Variants in LDAH observed in about 807,000 individuals in gnomAD.
LDAH encodes lipid droplet-associated hydrolase.
A neutral mutation model predicts 29.6 loss-of-function variants in LDAH; 26 were observed. The ratio of observed to expected loss-of-function variants is 0.88; its 90% confidence interval spans 0.64 to 1.22. The LOEUF (loss-of-function observed/expected upper bound fraction) is 1.22, where lower values mean the gene tolerates loss of function less well. Among genes scored for constraint, LDAH ranks in the 50% most tolerant of loss-of-function variants. The pLI is 0.00. For synonymous variants in LDAH, 117 were observed against 133.0 expected (o/e 0.88, Z 0.83); for missense variants, 344 against 387.3 (o/e 0.89, Z 0.94).
intron 1 of LDAH, among the ~76,000 whole-genome samples, chr2:20,816,217 T>C (rs139319288): frequency 4.6e-5 from 7 of 152,024 alleles, no homozygotes; most frequent in Non-Finnish European, 8.8e-5. Flanking sequence ...GGAACAGATA[T>C]GAAAAACAGG....
chr2:20,736,271 A>G (rs1419418064), intron 5 of LDAH, among the ~76,000 whole-genome samples: 1 of 152,030 alleles, frequency 6.6e-6, no homozygotes, highest in African/African-American at 2.4e-5. Flanking sequence ...GTGAAACCCC[A>G]TCTCTACTAA....
chr2:20,775,559 T>G (rs1203542254), intron 3 of LDAH, among the ~76,000 whole-genome samples: 3 of 152,318 alleles, frequency 2.0e-5, no homozygotes, highest in African/African-American at 7.2e-5. Flanking sequence ...AGAAAGTCCA[T>G]GACATGACTT....
intron 4 of LDAH, among the ~76,000 whole-genome samples, chr2:20,760,974 C>T (rs1363095506): frequency 6.6e-6 from 1 of 152,204 alleles, no homozygotes; most frequent in Non-Finnish European, 1.5e-5. Context: ...CTTTCACTTA[C>T]AGCAGTATTT....
intron 5 of LDAH, among the ~76,000 whole-genome samples, chr2:20,717,722 A>G (rs561089160): frequency 1.2e-4 from 19 of 152,172 alleles, no homozygotes; most frequent in Non-Finnish European, 2.4e-4. Flanking sequence ...TAATGTGTAC[A>G]TGTTTTGTAT....
intron 2 of LDAH, among the ~76,000 whole-genome samples, chr2:20,800,579 A>G (rs1244133190): frequency 6.6e-6 from 1 of 152,154 alleles, no homozygotes; most frequent in East Asian, 1.9e-4. Context: ...CAAGTGACTC[A>G]GCTGCCAAAT....
At chr2:20,754,267 T>C (rs957950320) in intron 4 of LDAH, among the ~76,000 whole-genome samples, 12 of 151,760 alleles carry the variant, frequency 7.9e-5, no homozygotes, top group Non-Finnish European at 1.5e-5. Flanking sequence ...GCAGGCAGAT[T>C]GTCTGAGCTC....
intron 6 of LDAH, among the ~76,000 whole-genome samples, chr2:20,700,756 C>T (rs1368409173): frequency 6.6e-6 from 1 of 152,120 alleles, no homozygotes; most frequent in Non-Finnish European, 1.5e-5. Context: ...ATATGTTTTA[C>T]TTAATCCACT....
intron 6 of LDAH, among the ~76,000 whole-genome samples, chr2:20,699,777 T>C (rs1435704375): frequency 6.6e-6 from 1 of 152,216 alleles, no homozygotes; most frequent in African/African-American, 2.4e-5. Flanking sequence ...TATTTCCCCA[T>C]AAAATTTCAG....
chr2:20,792,868 A>G (rs1035616708), intron 2 of LDAH, among the ~76,000 whole-genome samples: 4 of 152,184 alleles, frequency 2.6e-5, no homozygotes. Flanking sequence ...ATGTATACCT[A>G]TGTAACAAAC....
At chr2:20,694,935 C>T (rs1441115271) in intron 6 of LDAH, among the ~76,000 whole-genome samples, 7 of 152,388 alleles carry the variant, frequency 4.6e-5, no homozygotes, top group African/African-American at 1.7e-4. Context: ...GAGATGCTAA[C>T]CCAGGGCCTC....
intron 4 of LDAH, among the ~76,000 whole-genome samples, chr2:20,771,421 A>G (rs1669406235): frequency 6.6e-6 from 1 of 152,260 alleles, no homozygotes; most frequent in Admixed American, 6.5e-5. Context: ...GTTATAAAAC[A>G]TAATAGCTAA....
At chr2:20,788,232 AG>A (rs1360424676) in intron 3 of LDAH, among the ~76,000 whole-genome samples, 1 of 152,232 alleles carries the variant, frequency 6.6e-6, no homozygotes, top group African/African-American at 2.4e-5. Context: ...GCAAAATACA[AG>A]GTTAACAATT....
At chr2:20,694,786 G>A (rs1360052696) in intron 6 of LDAH, among the ~76,000 whole-genome samples, 1 of 152,214 alleles carries the variant, frequency 6.6e-6, no homozygotes, top group Non-Finnish European at 1.5e-5. Flanking sequence ...ACAACCATCT[G>A]TGTATACAGC....
Position 20,684,738 on chromosome 2 carries a change from C to A in LDAH, c.*2165G>T. On this transcript the variant is annotated 3_prime_UTR_variant, in exon 7 of 7. Coordinates refer to ENST00000237822, the MANE Select transcript of LDAH (RefSeq NM_021925.4). Reference sequence around the variant, plus strand: ...AACAAACACGGGTGTGGTCAAAGCTCAATCGCTGAGCACTCGGTAACTCTG... The same window carrying A: ...AACAAACACGGGTGTGGTCAAAGCTAAATCGCTGAGCACTCGGTAACTCTG... 1.2e-6 allele frequency: 1 copy of A among 861,368 alleles called. No individual in the cohort carries two copies. The highest frequency in any genetic ancestry group is 1.7e-6 in the Non-Finnish European group (1 of 576,844). The allele number at this position is 861,368 out of a possible 1,614,324, so 53.4% of individuals were successfully genotyped here.
chr2:20,720,897 T>C (rs1397848589), intron 5 of LDAH, among the ~76,000 whole-genome samples: 1 of 152,114 alleles, frequency 6.6e-6, no homozygotes, highest in Non-Finnish European at 1.5e-5. Flanking sequence ...GGATAGTCTC[T>C]CTAATAAACA....
At chr2:20,765,305 T>C (rs1668955479) in intron 4 of LDAH, among the ~76,000 whole-genome samples, 1 of 152,206 alleles carries the variant, frequency 6.6e-6, no homozygotes. Flanking sequence ...CCTTAAATTA[T>C]TATGTGTTCT....
chr2:20,820,959 A>G (rs1465968449), intron 1 of LDAH, among the ~76,000 whole-genome samples: 2 of 149,978 alleles, frequency 1.3e-5, no homozygotes, highest in Non-Finnish European at 3.0e-5. Flanking sequence ...GGTGAAGGAT[A>G]TGAACAGACA....
chr2:20,788,761 A>G (rs1355838578), intron 3 of LDAH: 5 of 224,994 alleles, frequency 2.2e-5, no homozygotes, highest in Middle Eastern at 1.7e-3. Flanking sequence ...ATGCCTATAG[A>G]GCATTCCAAT....
At chr2:20,803,787 C>G (rs1487918241) in intron 1 of LDAH, among the ~76,000 whole-genome samples, 1 of 152,178 alleles carries the variant, frequency 6.6e-6, no homozygotes, top group Non-Finnish European at 1.5e-5. Context: ...GGGTACTTTT[C>G]CTCAGCCCTA....
Sources: gnomAD v4.1 joint callset for allele counts (sites outside exome capture counted in the v4.1 genomes callset) on GRCh38, gnomAD v4.1.1 for gene constraint, MANE v1.5 for transcripts, NCBI Gene and HGNC (gene_info 2026-07-23, HGNC 2026-07-21) for gene names.